BAHCC1: variants seen among roughly 807,000 people sequenced by gnomAD.
BAHCC1 encodes BAH domain and coiled-coil containing 1, also known as BAH and coiled-coil domain-containing protein 1.
BAHCC1 carries 43 observed loss-of-function variants against 88.2 expected under a neutral mutation model. That is an observed-to-expected ratio of 0.49 (90% CI 0.38 to 0.63). The LOEUF (loss-of-function observed/expected upper bound fraction) is 0.63. Among genes scored for constraint, BAHCC1 ranks in the 20% least tolerant of loss-of-function variants. BAHCC1 has a pLI of 0.00. For synonymous variants in BAHCC1, 1,510 were observed against 745.5 expected, an observed-to-expected ratio of 2.03 and a Z score of -16.71; for missense variants, 3,023 against 1,654.8, an observed-to-expected ratio of 1.83 and a Z score of -14.34.
chr17:81,425,533 GGTGTGAT>G (rs1555650284), intron 2 of BAHCC1, among the ~76,000 whole-genome samples: 1 of 114,746 alleles, frequency 8.7e-6, no homozygotes, highest in East Asian at 3.1e-4. Context: ...TGATGTGGTT[GGTGTGAT>G]GTGGTTGGTG....
At position 81,447,463 on chromosome 17, in the gene BAHCC1, G is replaced by A. The variant is rs367630858; in HGVS notation, c.3591G>A (p.Gly1197=). The A allele has an allele frequency of 2.0e-5, 15 of 741,420 alleles. No homozygotes were observed. The highest frequency in any genetic ancestry group is 3.4e-5 in the African/African-American group (2 of 58,382). 45.9% of individuals were successfully genotyped at this position (741,420 alleles called of 1,614,324 possible). A position where few individuals can be genotyped will look rare whatever the true frequency, so the allele number is the denominator to read the frequency against. The change falls in exon 11 of 28, where the codon GGG becomes GGA. Residue 1197 remains glycine (G), a synonymous_variant. Coordinates refer to ENST00000675386, the MANE Select transcript of BAHCC1 (RefSeq NM_001377448.1). ...REEGEQGPSS[G]ASSQVLEQRA... The stretch of plus-strand genomic sequence containing the variant: ...AGGGGGAGCAGGGGCCCTCGTCAGG[G>A]GCCTCCTCCCAAGTCCTGGAGCAGC...
intron 3 of BAHCC1, 97 bp downstream of exon 3, chr17:81,427,076 C>T (rs2064208906): frequency 1.3e-5 from 5 of 398,366 alleles, no homozygotes; most frequent in South Asian, 1.3e-4. Flanking sequence ...CCATCGTGGC[C>T]GTGGGAACCT....
chr17:81,432,889 CCCCCATCCCCA>C, intron 3 of BAHCC1, among the ~76,000 whole-genome samples: 1 of 12,580 alleles, frequency 7.9e-5, no homozygotes, highest in African/African-American at 7.4e-4. Context: ...CCAACCTCCC[CCCCCATCCCCA>C]GGCCCACCCT....
chr17:81,436,638 A>C (rs79717851), intron 3 of BAHCC1, among the ~76,000 whole-genome samples: 19,182 of 151,418 alleles, frequency 0.13, 1,314 homozygotes, highest in Non-Finnish European at 0.16. Context: ...CTTTGGTCGA[A>C]TCTTCCAGGA....
chr17:81,405,283 C>T (rs1482139784), intron 2 of BAHCC1, among the ~76,000 whole-genome samples: 1 of 152,196 alleles, frequency 6.6e-6, no homozygotes, highest in Admixed American at 6.5e-5. Context: ...CCATGCTGGT[C>T]TTGAGCTCCT....
Position 81,444,721 on chromosome 17 carries a change from G to A in BAHCC1, c.2566G>A (p.Val856Met). The change falls in exon 8 of 28, where the codon GTG becomes ATG. Residue 856 changes from valine to methionine, a missense_variant. Physicochemically the swap from Val to Met is conservative, Grantham distance 21. Coordinates refer to ENST00000675386, the MANE Select transcript of BAHCC1 (RefSeq NM_001377448.1). ...CCTGCCCCCCGGCTTCCCCGCCTCC[G>A]TGGCTGGCCCTGTGCCCTCTGTCTT... ...QNLPPGFPAS[V>M]AGPVPSVFPL... The A allele has an allele frequency of 5.1e-6, 4 of 777,950 alleles. No homozygotes were observed. Among genetic ancestry groups the A allele is most frequent in the African/African-American group, 1.7e-5 (1 of 59,170 alleles). The allele number at this position is 777,950 out of a possible 1,614,324, so 48.2% of individuals were successfully genotyped here. A position where few individuals can be genotyped will look rare whatever the true frequency, so the allele number is the denominator to read the frequency against.
At chr17:81,462,198 A>G (rs2030356990) in intron 26 of BAHCC1, among the ~76,000 whole-genome samples, 152 bp downstream of exon 26, 1 of 152,238 alleles carries the variant, frequency 6.6e-6, no homozygotes, top group Non-Finnish European at 1.5e-5. Context: ...ACAAAGACCC[A>G]TCCATGACCC....
At chr17:81,459,226 GC>G (rs782468010) in intron 21 of BAHCC1, 26 bp from the exon 22 acceptor site, 19 of 776,554 alleles carry the variant, frequency 2.4e-5, no homozygotes, top group South Asian at 1.8e-4. Flanking sequence ...GAGACCCGTG[GC>G]ACCTCACATT....
Position 81,458,651 on chromosome 17 carries a change from G to T in BAHCC1, c.5374G>T (p.Ala1792Ser), listed in dbSNP as rs1555658198. Residue 1792 changes from alanine to serine, a missense_variant, in exon 19 of 28, where the codon GCC becomes TCC. Ala to Ser is a moderately conservative substitution (Grantham distance 99). Coordinates refer to ENST00000675386, the MANE Select transcript of BAHCC1 (RefSeq NM_001377448.1). The part of the protein sequence containing the change: ...RKNGALSITL[A>S]TRNAKAILGK... ...GAACGGGGCCCTGTCCATCACGCTG[G>T]CCACACGCAACGCCAAGGCCATCCT... The T allele has an allele frequency of 2.8e-6, 2 of 719,772 alleles. No homozygotes were observed. The highest frequency in any genetic ancestry group is 3.0e-5 in the South Asian group (2 of 67,740). The allele number at this position is 719,772 out of a possible 1,614,324, so 44.6% of individuals were successfully genotyped here.
chr17:81,444,976 T>A lies in BAHCC1; in HGVS notation c.2672-39T>A, dbSNP rs782376097. 35 of 707,706 alleles carry A rather than the reference T, an allele frequency of 4.9e-5. No homozygotes were observed. In the East Asian group the frequency reaches 8.0e-4, roughly 16 times the overall value. The allele number at this position is 707,706 out of a possible 1,614,324, so 43.8% of individuals were successfully genotyped here. ...GGGAAGCAGCCCCGGAGCTGTCCCC[T>A]CCCCAGCCAGGCTGACCCCTCCTGG... On this transcript the variant is annotated intron_variant, in intron 8 of 27. Coordinates refer to ENST00000675386, the MANE Select transcript of BAHCC1 (RefSeq NM_001377448.1).
intron 2 of BAHCC1, chr17:81,415,485 A>G (rs781892627): frequency 5.9e-6 from 3 of 506,512 alleles, no homozygotes; most frequent in Non-Finnish European, 1.2e-5. Flanking sequence ...CAGCTGTACC[A>G]AAAGCAGTTG....
intron 2 of BAHCC1, among the ~76,000 whole-genome samples, chr17:81,424,603 T>G (rs1293729023): frequency 6.6e-6 from 1 of 151,992 alleles, no homozygotes; most frequent in African/African-American, 2.4e-5. Flanking sequence ...GTGGTGTGGT[T>G]GTTGTTGAAT....
intron 4 of BAHCC1, among the ~76,000 whole-genome samples, chr17:81,439,659 TGGGAGCCC>T (rs1235622445): frequency 2.6e-5 from 4 of 151,206 alleles, no homozygotes; most frequent in African/African-American, 7.3e-5. Context: ...GCACAGCTCC[TGGGAGCCC>T]GGGAGCCCAG....
At chr17:81,400,337 A>ACCAGGGTACGC (rs1555645850) in intron 2 of BAHCC1, among the ~76,000 whole-genome samples, 1 of 148,160 alleles carries the variant, frequency 6.7e-6, no homozygotes, top group Non-Finnish European at 1.5e-5. Context: ...GGGGGAGGGG[A>ACCAGGGTACGC]CCAGGGTACG....
chr17:81,440,239 C>T (rs1440730819), intron 4 of BAHCC1, among the ~76,000 whole-genome samples: 2 of 152,192 alleles, frequency 1.3e-5, no homozygotes, highest in Admixed American at 6.5e-5. Flanking sequence ...TTGTCAGGGG[C>T]GGGCAGGTGG....
intron 26 of BAHCC1, chr17:81,462,434 G>A (rs76743056): frequency 3.4e-5 from 17 of 502,144 alleles, no homozygotes; most frequent in South Asian, 1.2e-4. Context: ...GGGGCCACTC[G>A]TGGGTCTTTT....
chr17:81,396,389 C>A (rs1471252957), intron 1 of BAHCC1: 1 of 152,148 alleles, frequency 6.6e-6, no homozygotes, highest in Non-Finnish European at 1.5e-5. Flanking sequence ...GGGCTCGGGT[C>A]ACGGCCCGTG....
chr17:81,410,659 T>C (rs1555647703), intron 2 of BAHCC1, among the ~76,000 whole-genome samples: 1 of 152,080 alleles, frequency 6.6e-6, no homozygotes, highest in Non-Finnish European at 1.5e-5. Flanking sequence ...GACCCCCAGG[T>C]GGGGCCCAGG....
rs1555653087 is a variant in BAHCC1 at position 81,442,983 on chromosome 17, G to A, written c.1634G>A (p.Arg545Lys). ...PPGAQKVARI[R>K]HQQHLMAAEV... ...GGGGCACAGAAGGTGGCCCGCATCA[G>A]GCACCAGCAGCACTTGATGGCCGCC... The change falls in exon 5 of 28, where the codon AGG becomes AAG. Residue 545 changes from arginine (R) to lysine (K), a missense_variant. Transcript: ENST00000675386. 1.3e-6 allele frequency: 1 copy of A among 778,964 alleles called. No homozygotes were observed. Among genetic ancestry groups the A allele is most frequent in the East Asian group, 2.4e-5 (1 of 41,240 alleles). The allele number at this position is 778,964 out of a possible 1,614,324, so 48.3% of individuals were successfully genotyped here. A position where few individuals can be genotyped will look rare whatever the true frequency, so the allele number is the denominator to read the frequency against.
Sources: allele counts gnomAD v4.1 joint callset (sites outside exome capture counted in the v4.1 genomes callset), GRCh38; gene constraint gnomAD v4.1.1; transcripts MANE v1.5; gene names NCBI Gene and HGNC (gene_info 2026-07-23, HGNC 2026-07-21).